The following BABAM2 variants were observed in gnomAD, a reference collection of about 807,000 sequenced individuals.
BABAM2 encodes the protein BRISC and BRCA1 A complex member 2.
In BABAM2, 31 loss-of-function variants were observed where a neutral mutation model predicts 54.7. That is an observed-to-expected ratio of 0.57 (90% CI 0.43 to 0.77). The LOEUF is 0.77. BABAM2 is among the 30% of genes least tolerant of loss of function. The pLI, the probability that BABAM2 is intolerant of heterozygous loss-of-function variation, is 0.00. For synonymous variants in BABAM2, 167 were observed against 162.9 expected, an observed-to-expected ratio of 1.03 and a Z score of -0.19; for missense variants, 364 against 455.8, an observed-to-expected ratio of 0.80 and a Z score of 1.83.
intron 9 of BABAM2, among the ~76,000 whole-genome samples, chr2:28,241,864 C>CT (rs35913780): frequency 0.038 from 4,246 of 110,348 alleles, 248 homozygotes; most frequent in African/African-American, 0.13. Context: ...CCCAGGATCC[C>CT]TTTTTTTTTT....
intron 3 of BABAM2, among the ~76,000 whole-genome samples, chr2:27,963,306 C>G (rs1362060548): frequency 1.3e-5 from 2 of 151,850 alleles, no homozygotes; most frequent in Non-Finnish European, 2.9e-5. Context: ...CCCGTGTCTA[C>G]TAAAAATACA....
intron 11 of BABAM2, among the ~76,000 whole-genome samples, chr2:28,320,751 C>T (rs2148307564): frequency 6.6e-6 from 1 of 152,358 alleles, no homozygotes; most frequent in Non-Finnish European, 1.5e-5. Context: ...CCCTCCAGGG[C>T]TGGCAGTGTG....
chr2:28,102,985 A>G (rs1422860673), intron 6 of BABAM2, among the ~76,000 whole-genome samples: 9 of 152,228 alleles, frequency 5.9e-5, no homozygotes, highest in Non-Finnish European at 7.3e-5. Context: ...TGAGTAATCT[A>G]TAAACGGCCT....
intron 7 of BABAM2, among the ~76,000 whole-genome samples, chr2:28,215,500 GAC>G (rs1396317613): frequency 6.6e-6 from 1 of 152,192 alleles, no homozygotes; most frequent in African/African-American, 2.4e-5. Flanking sequence ...CATTTGGGAT[GAC>G]ACAGGGTTAT....
chr2:27,894,454 T>C, intron 1 of BABAM2, 79 bp from the exon 2 acceptor site: 2 of 1,358,146 alleles, frequency 1.5e-6, no homozygotes, highest in Non-Finnish European at 2.1e-6. Flanking sequence ...AACTGCTGTA[T>C]GCTGTCCAGT....
At chr2:28,147,719 C>T (rs1380876480) in intron 7 of BABAM2, among the ~76,000 whole-genome samples, 3 of 152,134 alleles carry the variant, frequency 2.0e-5, no homozygotes, top group Non-Finnish European at 2.9e-5. Context: ...GTGATCCACC[C>T]GTCTCGGCCT....
At chr2:28,138,728 C>T (rs1465641579) in intron 7 of BABAM2, among the ~76,000 whole-genome samples, 1 of 152,148 alleles carries the variant, frequency 6.6e-6, no homozygotes, top group African/African-American at 2.4e-5. Context: ...ATGACCCTAG[C>T]CATGAAACCC....
chr2:27,945,874 C>G (rs1669262368), intron 3 of BABAM2, among the ~76,000 whole-genome samples: 1 of 150,920 alleles, frequency 6.6e-6, no homozygotes, highest in African/African-American at 2.4e-5. Flanking sequence ...ACCTTGTATG[C>G]TGATGCTGCT....
At chr2:28,043,436 T>C (rs1207009394) in intron 5 of BABAM2, among the ~76,000 whole-genome samples, 1 of 152,140 alleles carries the variant, frequency 6.6e-6, no homozygotes, top group Non-Finnish European at 1.5e-5. Flanking sequence ...GCCTGGAGCA[T>C]GTATTCTTTT....
intron 11 of BABAM2, chr2:28,309,494 G>A (rs929652512): frequency 2.0e-5 from 3 of 152,216 alleles, no homozygotes; most frequent in African/African-American, 7.2e-5. Flanking sequence ...TACTACGTGG[G>A]ATAATGTCAG....
chr2:28,241,468 T>G lies in BABAM2; in HGVS notation c.851+75T>G, dbSNP rs1682423042. 2.2e-6 allele frequency: 3 copies of G among 1,391,528 alleles called. No homozygotes were observed. In the Admixed American group the frequency reaches 5.1e-5, roughly 24 times the overall value. The allele number at this position is 1,391,528 out of a possible 1,614,324, so 86.2% of individuals were successfully genotyped here. A position where few individuals can be genotyped will look rare whatever the true frequency, so the allele number is the denominator to read the frequency against. On this transcript the variant is annotated intron_variant, in intron 9 of 11. Coordinates refer to ENST00000379624, the MANE Select transcript of BABAM2 (RefSeq NM_199191.3). ...GATGACCTCAACATGGGGGCTTGAT[T>G]AAGAAAATAGCACTTAGTTCTTACA...
chr2:28,197,991 C>T (rs995169373), intron 7 of BABAM2, among the ~76,000 whole-genome samples: 6 of 152,096 alleles, frequency 3.9e-5, no homozygotes, highest in Admixed American at 6.5e-5. Context: ...GCGGGAACCC[C>T]GTAAGTCCAT....
At chr2:28,008,127 A>G (rs945911846) in intron 4 of BABAM2, among the ~76,000 whole-genome samples, 4 of 152,178 alleles carry the variant, frequency 2.6e-5, no homozygotes, top group Admixed American at 2.6e-4. Flanking sequence ...TCTCATAGAA[A>G]GACAGTGATA....
intron 11 of BABAM2, among the ~76,000 whole-genome samples, chr2:28,324,656 G>A (rs979859312): frequency 8.6e-5 from 13 of 151,560 alleles, no homozygotes; most frequent in South Asian, 2.1e-4. Flanking sequence ...TTAGCTGGGC[G>A]TGGTAGTGCA....
At chr2:28,157,227 A>G (rs1672629851) in intron 7 of BABAM2, among the ~76,000 whole-genome samples, 1 of 152,218 alleles carries the variant, frequency 6.6e-6, no homozygotes, top group African/African-American at 2.4e-5. Context: ...AGTGCCTACT[A>G]TATGAAGGTC....
intron 7 of BABAM2, among the ~76,000 whole-genome samples, chr2:28,185,513 C>T (rs1434918277): frequency 5.3e-5 from 8 of 152,114 alleles, no homozygotes; most frequent in Non-Finnish European, 1.2e-4. Flanking sequence ...ATACTAAACT[C>T]GAGTCATATT....
At chr2:28,007,656 T>C (rs1674072229) in intron 4 of BABAM2, among the ~76,000 whole-genome samples, 1 of 152,174 alleles carries the variant, frequency 6.6e-6, no homozygotes, top group Admixed American at 6.5e-5. Flanking sequence ...ATGTGCTATT[T>C]TGTATCCCTT....
In BABAM2 at chr2:28,286,206, G is replaced by A. The variant is rs578079109; in HGVS notation, c.935-12132G>A. Among the ~76,000 whole-genome samples the A allele has an allele frequency of 2.0e-4, 30 of 151,802 alleles. No homozygotes were observed. In the South Asian group the frequency reaches 4.4e-3, roughly 22 times the overall value. On this transcript the variant is annotated intron_variant, in intron 10 of 11. Transcript: ENST00000379624. ...CCTGACCTCGTGATCCACCCATCTC[G>A]GCCTCCCAAAGTGTTGGGATTACAG... is the stretch of plus-strand genomic sequence containing the variant.
chr2:28,001,812 AACTC>A (rs1673599946), intron 4 of BABAM2, among the ~76,000 whole-genome samples: 1 of 152,058 alleles, frequency 6.6e-6, no homozygotes, highest in Non-Finnish European at 1.5e-5. Context: ...TCAGAGTGAG[AACTC>A]ACTCATTACC....
Sources: gnomAD v4.1 joint callset for allele counts (sites outside exome capture counted in the v4.1 genomes callset) on GRCh38, gnomAD v4.1.1 for gene constraint, MANE v1.5 for transcripts, NCBI Gene and HGNC (gene_info 2026-07-23, HGNC 2026-07-21) for gene names.